Variants in GATAD2B observed in about 807,000 individuals in gnomAD.
GATAD2B encodes GATA zinc finger domain containing 2B.
GATAD2B carries 8 observed loss-of-function variants against 64.3 expected under a neutral mutation model. The observed-to-expected ratio is 0.12, with a 90% confidence interval of 0.07 to 0.22. The LOEUF (loss-of-function observed/expected upper bound fraction) is 0.22, where lower values mean the gene tolerates loss of function less well. GATAD2B is among the 10% of genes least tolerant of loss of function. The pLI is 1.00. For missense variants in GATAD2B, 453 were observed against 752.0 expected (o/e 0.60, Z 4.65); for synonymous variants, 281 against 271.3 (o/e 1.04, Z -0.35).
intron 1 of GATAD2B, among the ~76,000 whole-genome samples, chr1:153,901,059 C>T (rs1290692782): frequency 6.6e-6 from 1 of 151,916 alleles, no homozygotes; most frequent in Non-Finnish European, 1.5e-5. Context: ...ACTAAAAATA[C>T]AAAAATTAGC....
chr1:153,845,400 A>C (rs1006122539), intron 1 of GATAD2B, among the ~76,000 whole-genome samples: 1 of 151,252 alleles, frequency 6.6e-6, no homozygotes, highest in Admixed American at 6.6e-5. Context: ...AAGAAAAAAA[A>C]AAAAATTCCA....
At chr1:153,916,542 T>TA (rs1356058156) in intron 1 of GATAD2B, among the ~76,000 whole-genome samples, 1 of 152,158 alleles carries the variant, frequency 6.6e-6, no homozygotes, top group Non-Finnish European at 1.5e-5. Context: ...AAGGTATAGA[T>TA]ACGTCTAGCT....
rs1158508480 is a variant in GATAD2B, at chr1:153,830,478, A to ATTTTT, written c.-1-2131_-1-2130insAAAAA. Among the ~76,000 whole-genome samples, 5 of 85,970 alleles carry ATTTTT rather than the reference A, an allele frequency of 5.8e-5. 1 individual carries two copies. Among genetic ancestry groups the ATTTTT allele is most frequent in the Non-Finnish European group, 9.8e-5 (4 of 40,882 alleles). 56.4% of individuals were successfully genotyped at this position (85,970 alleles called of 152,430 possible). On this transcript the variant is annotated intron_variant, in intron 1 of 10. Coordinates refer to ENST00000368655, the MANE Select transcript of GATAD2B (RefSeq NM_020699.4). Reference sequence around the variant, plus strand: ...ATTTTTATTTTATTTTATTTTATTTATTTATTTTTTTTTTTGAGACAGAGT... The same window carrying ATTTTT: ...ATTTTTATTTTATTTTATTTTATTTATTTTTTTTATTTTTTTTTTTGAGACAGAGT...
At position 153,818,063 on chromosome 1, in the gene GATAD2B, G is replaced by A. The variant is rs1674544677; in HGVS notation, c.706C>T (p.Pro236Ser). ...PSRPGAQGVE[P>S]QNLRTLQGHS... ...ACCTGTAATGTTCTCAAATTTTGAG[G>A]TTCAACCCCTTGGGCCCCAGGCCGA... Residue 236 changes from proline (P) to serine (S), a missense_variant, in exon 5 of 11, where the codon CCT becomes TCT. By Grantham distance (74) the Pro-to-Ser change is moderately conservative. Around this residue, in one of 2 missense-constraint regions of GATAD2B, gnomAD observed 293 missense variants for 417.2 expected, o/e 0.70. Coordinates refer to ENST00000368655, the MANE Select transcript of GATAD2B (RefSeq NM_020699.4). The A allele has an allele frequency of 5.6e-6, 9 of 1,611,578 alleles. No individual in the cohort carries two copies. Among genetic ancestry groups the A allele is most frequent in the African/African-American group, 2.7e-5 (2 of 74,716 alleles).
At position 153,816,196 on chromosome 1, in the gene GATAD2B, CCT is replaced by C. The variant is rs1394611368; in HGVS notation, c.1216+75_1216+76del. The C allele has an allele frequency of 2.2e-6, 2 of 898,544 alleles. No homozygotes were observed. Among genetic ancestry groups the C allele is most frequent in the African/African-American group, 3.3e-5 (2 of 61,010 alleles). The allele number at this position is 898,544 out of a possible 1,614,324, so 55.7% of individuals were successfully genotyped here. A position where few individuals can be genotyped will look rare whatever the true frequency, so the allele number is the denominator to read the frequency against. On this transcript the variant is annotated intron_variant, in intron 7 of 10. Coordinates refer to ENST00000368655, the MANE Select transcript of GATAD2B (RefSeq NM_020699.4). The surrounding 1 kb of genome is among the most constrained non-coding windows in gnomAD (Gnocchi z 4.9). ...GAAGTTATTTAATATTGTACAGTACCCTCTGATACTCTGCCTATGTCAATCAG... is the reference window on the plus strand; with the variant it reads ...GAAGTTATTTAATATTGTACAGTACCCTGATACTCTGCCTATGTCAATCAG...
intron 1 of GATAD2B, among the ~76,000 whole-genome samples, chr1:153,920,403 G>A (rs566371458): frequency 3.8e-4 from 58 of 152,328 alleles, no homozygotes; most frequent in African/African-American, 1.3e-3. Context: ...AAGGTTGTGA[G>A]GCTCAGAACA....
chr1:153,850,102 G>A (rs1474141512), intron 1 of GATAD2B, among the ~76,000 whole-genome samples: 2 of 152,046 alleles, frequency 1.3e-5, no homozygotes, highest in African/African-American at 2.4e-5. Flanking sequence ...GTTATTCAGT[G>A]GGATTTTATC....
intron 1 of GATAD2B, among the ~76,000 whole-genome samples, chr1:153,844,440 C>G (rs1466950788): frequency 7.1e-6 from 1 of 140,682 alleles, no homozygotes; most frequent in East Asian, 2.1e-4. Context: ...AAAAAAAAAG[C>G]AAAGTTGACA....
At chr1:153,909,895 C>A (rs1678063325) in intron 1 of GATAD2B, among the ~76,000 whole-genome samples, 1 of 150,820 alleles carries the variant, frequency 6.6e-6, no homozygotes. Context: ...TTGCAGTCAG[C>A]CGAGATGATG....
At chr1:153,881,252 A>G (rs974803189) in intron 1 of GATAD2B, among the ~76,000 whole-genome samples, 2 of 152,200 alleles carry the variant, frequency 1.3e-5, no homozygotes, top group East Asian at 1.9e-4. Context: ...TGGAGCTGAC[A>G]TGGAAAAGGG....
intron 1 of GATAD2B, chr1:153,914,564 T>C (rs2101971191): frequency 6.6e-6 from 1 of 152,176 alleles, no homozygotes; most frequent in African/African-American, 2.4e-5. Context: ...CCCATAGGAG[T>C]ATTTATTCAG....
At chr1:153,911,849 C>T (rs1045861070) in intron 1 of GATAD2B, among the ~76,000 whole-genome samples, 2 of 152,158 alleles carry the variant, frequency 1.3e-5, no homozygotes, top group African/African-American at 2.4e-5. Flanking sequence ...CTAATACCTC[C>T]GTGCACCATA....
Position 153,816,346 on chromosome 1 carries a change from A to G in GATAD2B, c.1143T>C (p.Pro381=). The change falls in exon 7 of 11, where the codon CCT becomes CCC. Residue 381 remains proline (P), a synonymous_variant. Coordinates refer to ENST00000368655, the MANE Select transcript of GATAD2B (RefSeq NM_020699.4). This position sits in a 1 kb window ranked among gnomAD's most constrained non-coding sequence, Gnocchi z 4.9. ...KPPAPLLHFL[P]SAANSEFIYM... ...AGATGAACTCGCTATTGGCTGCACT[A>G]GGCAAGAAATGAAGTAAGGGAGCAG... is the stretch of plus-strand genomic sequence containing the variant. 6.2e-7 allele frequency: 1 copy of G among 1,613,776 alleles called. No homozygotes were observed. The highest frequency in any genetic ancestry group is 2.2e-5 in the East Asian group (1 of 44,876).
In GATAD2B at chr1:153,908,932, G is replaced by A. The variant is rs1678033924; in HGVS notation, c.-2+13801C>T. On this transcript the variant is annotated intron_variant, in intron 1 of 10. Transcript: ENST00000368655. Reference sequence around the variant, plus strand: ...CTGCCTCAGCCTCCCAAAGTGCTCTGGAACACGGATTACATCTCAGCACTT... The same window carrying A: ...CTGCCTCAGCCTCCCAAAGTGCTCTAGAACACGGATTACATCTCAGCACTT... Among the ~76,000 whole-genome samples, 3 of 152,156 alleles carry A rather than the reference G, an allele frequency of 2.0e-5. No individual in the cohort carries two copies. The South Asian group carries it at 6.2e-4, about 32-fold the overall frequency.
At chr1:153,895,280 G>A (rs1015826481) in intron 1 of GATAD2B, among the ~76,000 whole-genome samples, 10 of 151,614 alleles carry the variant, frequency 6.6e-5, no homozygotes, top group African/African-American at 2.4e-4. Context: ...GGTGCAGTGA[G>A]CCAAGATCGC....
intron 6 of GATAD2B, 109 bp downstream of exon 6, chr1:153,817,263 G>T: frequency 2.9e-6 from 3 of 1,034,564 alleles, no homozygotes; most frequent in Non-Finnish European, 4.1e-6. Context: ...AACCATTTTT[G>T]TCCTAGAGTT....
Position 153,818,856 on chromosome 1 carries a change from C to A in GATAD2B, c.532G>T (p.Ala178Ser). Residue 178 changes from alanine (A) to serine (S), a missense_variant, in exon 4 of 11, where the codon GCC (alanine) becomes TCC (serine). Ala to Ser is a moderately conservative substitution (Grantham distance 99, BLOSUM62 1). This residue lies in a region of GATAD2B where 293 missense variants were observed against 417.2 expected (regional missense o/e 0.70). Coordinates refer to ENST00000368655, the MANE Select transcript of GATAD2B (RefSeq NM_020699.4). ...AGTTTCTTTAACAGGACCAGTCGGGCTTCTTCCAATCGTAGCTCATCCCTC... is the reference window on the plus strand; with the variant it reads ...AGTTTCTTTAACAGGACCAGTCGGGATTCTTCCAATCGTAGCTCATCCCTC... ...QLRDELRLEEARLVLLKKLRQ... is the reference protein window; with the variant it reads ...QLRDELRLEESRLVLLKKLRQ... 1 of 1,613,486 alleles carries A rather than the reference C, an allele frequency of 6.2e-7. No homozygotes were observed. Among genetic ancestry groups the A allele is most frequent in the Non-Finnish European group, 8.5e-7 (1 of 1,179,880 alleles).
intron 1 of GATAD2B, among the ~76,000 whole-genome samples, chr1:153,840,022 CTTT>C (rs1266664410): frequency 1.4e-5 from 2 of 142,372 alleles, no homozygotes; most frequent in African/African-American, 2.6e-5. Context: ...AATGAAAATA[CTTT>C]CTTTTTTTTT....
chr1:153,891,802 T>G (rs980808318), intron 1 of GATAD2B, among the ~76,000 whole-genome samples: 1 of 151,750 alleles, frequency 6.6e-6, no homozygotes, highest in Admixed American at 6.6e-5. Context: ...CTGACTAAAA[T>G]TTAAAAATAA....
Sources: gnomAD v4.1 joint callset for allele counts (sites outside exome capture counted in the v4.1 genomes callset) on GRCh38, gnomAD v4.1.1 for gene constraint, gnomAD v4.1.1 regional missense constraint, Gnocchi (gnomAD v3.1) non-coding constraint, MANE v1.5 for transcripts, NCBI Gene and HGNC (gene_info 2026-07-23, HGNC 2026-07-21) for gene names.